CSGALNACT1: variants seen among roughly 807,000 people sequenced by gnomAD.
The protein encoded by CSGALNACT1 is beta4GalNAcT-1.
In CSGALNACT1, 52 loss-of-function variants were observed where a neutral mutation model predicts 51.0. That is an observed-to-expected ratio of 1.02 (90% CI 0.82 to 1.29). The LOEUF is 1.29. CSGALNACT1 is among the 50% of genes most tolerant of loss of function. CSGALNACT1 has a pLI of 0.00. For synonymous variants in CSGALNACT1, 341 were observed against 254.4 expected, an observed-to-expected ratio of 1.34 and a Z score of -3.24; for missense variants, 935 against 679.2, an observed-to-expected ratio of 1.38 and a Z score of -4.19.
intron 4 of CSGALNACT1, among the ~76,000 whole-genome samples, chr8:19,500,955 G>T (rs145954148): frequency 6.6e-6 from 1 of 152,090 alleles, no homozygotes; most frequent in African/African-American, 2.4e-5. Flanking sequence ...AGGATAAAAG[G>T]CATAAGGGCA....
chr8:19,409,338 A>T lies in CSGALNACT1; in HGVS notation c.1228-644T>A, dbSNP rs2055111470. Among the ~76,000 whole-genome samples, 3 of 152,194 alleles carry T rather than the reference A, an allele frequency of 2.0e-5. 1 individual carries two copies. The highest frequency in any genetic ancestry group is 4.1e-4 in the South Asian group (2 of 4,838). ...GTCCATTCATCTTCACGCTATTTTA[A>T]AACCAAACTGCTCCCAAAAGCATCT... On this transcript the variant is annotated intron_variant, in intron 8 of 9. Transcript: ENST00000454498.
chr8:19,666,883 A>AAGAG lies in CSGALNACT1; in HGVS notation c.-544+15586_-544+15589dup, dbSNP rs372924056. Among the ~76,000 whole-genome samples the AAGAG allele has an allele frequency of 7.4e-4, 72 of 97,362 alleles. 6 individuals are homozygous for AAGAG. Among genetic ancestry groups the AAGAG allele is most frequent in the African/African-American group, 1.4e-3 (32 of 22,094 alleles). 63.9% of individuals were successfully genotyped at this position (97,362 alleles called of 152,430 possible). On this transcript the variant is annotated intron_variant, in intron 1 of 9. Transcript: ENST00000332246. ...AAAGAAAGAAAGAAAGAAAGAAAGA[A>AAGAG]AGAGAGAGAGGAAGTGAGGAAGGGA...
intron 1 of CSGALNACT1, among the ~76,000 whole-genome samples, chr8:19,680,498 G>C (rs1036773258): frequency 2.8e-5 from 4 of 144,226 alleles, no homozygotes; most frequent in African/African-American, 1.0e-4. Context: ...GGAGGTTGCA[G>C]TCAGCAGAGA....
At chr8:19,504,820 A>G (rs376622273) in intron 4 of CSGALNACT1, among the ~76,000 whole-genome samples, 6 of 152,222 alleles carry the variant, frequency 3.9e-5, no homozygotes, top group African/African-American at 1.4e-4. Flanking sequence ...ATGTAAGTGC[A>G]ATAATATGTG....
At chr8:19,405,835 T>A (rs1254784719) in exon 10 of CSGALNACT1, 1 of 1,614,220 alleles carries the variant, frequency 6.2e-7, no homozygotes, top group South Asian at 1.1e-5. Flanking sequence ...AGCCTCTATC[T>A]CGTGCCTGAA....
chr8:19,682,757 A>G (rs1226488494), upstream of CSGALNACT1: 1 of 453,948 alleles, frequency 2.2e-6, no homozygotes, highest in African/African-American at 2.0e-5. Context: ...TCCCAGAACA[A>G]GCCCGTCTGC....
intron 1 of CSGALNACT1, among the ~76,000 whole-genome samples, chr8:19,747,523 C>A (rs1162336199): frequency 6.6e-6 from 1 of 152,146 alleles, no homozygotes; most frequent in Non-Finnish European, 1.5e-5. Context: ...ATAATATGTT[C>A]TCTACTAAGG....
intron 3 of CSGALNACT1, among the ~76,000 whole-genome samples, chr8:19,524,614 T>C (rs1280819351): frequency 6.6e-6 from 1 of 152,080 alleles, no homozygotes; most frequent in Non-Finnish European, 1.5e-5. Flanking sequence ...TTAATGAGTC[T>C]CAAGATTGAT....
chr8:19,729,060 A>T (rs2063551702), intron 1 of CSGALNACT1, among the ~76,000 whole-genome samples: 2 of 151,878 alleles, frequency 1.3e-5, no homozygotes, highest in African/African-American at 4.8e-5. Flanking sequence ...TCTTCTCACA[A>T]AATATTCCGT....
intron 3 of CSGALNACT1, among the ~76,000 whole-genome samples, chr8:19,557,388 T>A (rs1043814338): frequency 6.6e-6 from 1 of 152,206 alleles, no homozygotes; most frequent in South Asian, 2.1e-4. Context: ...GATTTTGTTA[T>A]GTTCCAGCTC....
chr8:19,461,911 CG>C (rs1563531346), intron 4 of CSGALNACT1, among the ~76,000 whole-genome samples: 150 of 149,792 alleles, frequency 1.0e-3, no homozygotes, highest in East Asian at 3.3e-3. Context: ...AGGGTGTATC[CG>C]CACAGCACCC....
upstream of CSGALNACT1, among the ~76,000 whole-genome samples, chr8:19,604,746 A>T (rs1459885444): frequency 6.0e-4 from 40 of 67,086 alleles, no homozygotes; most frequent in Non-Finnish European, 1.0e-3. Flanking sequence ...TCTCTACTTT[A>T]AAAAAAAAAA....
chr8:19,418,696 T>C, exon 8 of CSGALNACT1: 1 of 1,613,860 alleles, frequency 6.2e-7, no homozygotes, highest in Non-Finnish European at 8.5e-7. Context: ...ATGGTGGCCG[T>C]ATATTATGCC....
chr8:19,628,243 G>C (rs111407775), intron 1 of CSGALNACT1, among the ~76,000 whole-genome samples: 1 of 152,298 alleles, frequency 6.6e-6, no homozygotes, highest in African/African-American at 2.4e-5. Context: ...CACATGGCTG[G>C]GGAGGCCTCA....
At chr8:19,646,243 C>G (rs2975432) in intron 1 of CSGALNACT1, among the ~76,000 whole-genome samples, 1 of 152,256 alleles carries the variant, frequency 6.6e-6, no homozygotes, top group South Asian at 2.1e-4. Flanking sequence ...TGGCATGTAT[C>G]TGGATCGTAA....
chr8:19,442,134 G>C (rs1450620308), intron 5 of CSGALNACT1, among the ~76,000 whole-genome samples: 3 of 152,146 alleles, frequency 2.0e-5, no homozygotes, highest in Admixed American at 6.5e-5. Context: ...ATGTAAACTA[G>C]TTCAACCATT....
At chr8:19,458,675 A>C (rs761103585) in intron 4 of CSGALNACT1, 33 bp from the exon 4 acceptor site, 1 of 1,602,206 alleles carries the variant, frequency 6.2e-7, no homozygotes, top group South Asian at 1.1e-5. Context: ...AGATAGTTCT[A>C]AAAATTAACC....
intron 4 of CSGALNACT1, among the ~76,000 whole-genome samples, chr8:19,498,532 A>G (rs898268745): frequency 5.3e-5 from 8 of 151,816 alleles, no homozygotes; most frequent in African/African-American, 1.2e-4. Flanking sequence ...ACTCACGGAG[A>G]ACACATGTCC....
chr8:19,408,565 A>C lies in CSGALNACT1; in HGVS notation c.1309+48T>G. 4 of 1,507,436 alleles carry C rather than the reference A, an allele frequency of 2.7e-6. No individual in the cohort carries two copies. The South Asian group carries it at 3.4e-5, about 13-fold the overall frequency. The allele number at this position is 1,507,436 out of a possible 1,614,324, so 93.4% of individuals were successfully genotyped here. On this transcript the variant is annotated intron_variant, in intron 9 of 9. Transcript: ENST00000454498. ...CCTACTTGATTCCTTCAAGGCCTAC[A>C]TGGGCCCGTGGCCTCTGGGTGGCAG...
Sources: allele counts gnomAD v4.1 joint callset (sites outside exome capture counted in the v4.1 genomes callset), GRCh38; gene constraint gnomAD v4.1.1; transcripts MANE v1.5; gene names NCBI Gene and HGNC (gene_info 2026-07-23, HGNC 2026-07-21).